The following DNAH2 variants were observed in gnomAD, a reference collection of about 807,000 sequenced individuals.
The protein encoded by DNAH2 is axonemal beta dynein heavy chain 2.
DNAH2 carries 323 observed loss-of-function variants against 523.5 expected under a neutral mutation model. That is an observed-to-expected ratio of 0.62 (90% confidence interval 0.56 to 0.68). The LOEUF (loss-of-function observed/expected upper bound fraction) is 0.68. Among genes scored for constraint, DNAH2 ranks in the 30% least tolerant of loss-of-function variants. The pLI, the probability that DNAH2 is intolerant of heterozygous loss-of-function variation, is 0.00. For missense variants in DNAH2, 4,907 were observed against 5,701.5 expected (o/e 0.86, Z 4.49); for synonymous variants, 2,093 against 2,177.4 (o/e 0.96, Z 1.08).
intron 65 of DNAH2, 32 bp downstream of exon 65, chr17:7,817,447 T>G: frequency 6.2e-7 from 1 of 1,613,560 alleles, no homozygotes; most frequent in East Asian, 2.2e-5. Flanking sequence ...ACAAGTAGGC[T>G]CCGAGACCAG....
rs1425238619 is a variant in DNAH2, at chr17:7,726,156, C to T, written c.229-966C>T. ...AAGTAGCTGGGATTACAGGAACCCA[C>T]CACCATGCCTGGCTGATTTTTGTAT... is the stretch of plus-strand genomic sequence containing the variant. On this transcript the variant is annotated intron_variant, in intron 3 of 85. Transcript: ENST00000572933. 2.6e-5 allele frequency among the ~76,000 whole-genome samples: 4 copies of T among 152,052 alleles called. No homozygotes were observed. The East Asian group carries it at 5.8e-4, about 22-fold the overall frequency.
Position 7,780,919 on chromosome 17 carries a change from C to G in DNAH2, c.6004-123C>G. On this transcript the variant is annotated intron_variant, in intron 38 of 85. Transcript: ENST00000572933. This position sits in a 1 kb window ranked among gnomAD's most constrained non-coding sequence, Gnocchi z 4.4. ...CACCTCGTCCCATCCCCGTGTTGCC[C>G]GCTGCTTTGCTAATGGCTAACTGGT... The G allele has an allele frequency of 1.9e-6, 3 of 1,580,608 alleles. No individual in the cohort carries two copies. The highest frequency in any genetic ancestry group is 1.7e-5 in the Admixed American group (1 of 59,162).
chr17:7,767,095 G>A (rs1383813174), intron 22 of DNAH2, among the ~76,000 whole-genome samples: 2 of 6,168 alleles, frequency 3.2e-4, no homozygotes, highest in Admixed American at 2.1e-3. Context: ...CCAGTCCCCC[G>A]TCCCCCGCCC....
chr17:7,796,584 G>A lies in DNAH2; in HGVS notation c.7795G>A (p.Val2599Met), dbSNP rs372809578. The change falls in exon 50 of 86, where the codon GTG (valine) becomes ATG (methionine). Residue 2599 changes from valine to methionine, a missense_variant. Around this residue, in one of 3 missense-constraint regions of DNAH2, gnomAD observed 250 missense variants for 371.3 expected, o/e 0.67. Coordinates refer to ENST00000572933, the MANE Select transcript of DNAH2 (RefSeq NM_020877.5). ...GGCCACCCTGGACATGTACAACACC[G>A]TGGTACAGCGCTTCCTGCCCACGCC... ...TEATLDMYNT[V>M]VQRFLPTPTK... 30 of 1,613,516 alleles carry A rather than the reference G, an allele frequency of 1.9e-5. No homozygotes were observed. Among genetic ancestry groups the A allele is most frequent in the Middle Eastern group, 1.6e-4 (1 of 6,062 alleles).
chr17:7,741,456 C>A (rs2075348937), intron 11 of DNAH2, among the ~76,000 whole-genome samples: 1 of 150,844 alleles, frequency 6.6e-6, no homozygotes, highest in Non-Finnish European at 1.5e-5. Context: ...CTCCCGGGTT[C>A]ACACCATTCT....
At position 7,763,894 on chromosome 17, in the gene DNAH2, G is replaced by T. The variant is rs771953010; in HGVS notation, c.3042G>T (p.Leu1014=). The T allele has an allele frequency of 1.2e-6, 2 of 1,614,096 alleles. No individual in the cohort carries two copies. Among genetic ancestry groups the T allele is most frequent in the Admixed American group, 1.7e-5 (1 of 60,012 alleles). ...EETVTNIQFV[L]LDCSHLKFSL... ...CAGTCACCAACATCCAGTTTGTGCT[G>T]CTGGACTGTTCGCACCTCAAGTTCT... The change falls in exon 19 of 86, where the codon CTG becomes CTT. Residue 1014 remains leucine, a synonymous_variant. Coordinates refer to ENST00000572933, the MANE Select transcript of DNAH2 (RefSeq NM_020877.5).
Position 7,786,366 on chromosome 17 carries a change from C to T in DNAH2, c.6348+24C>T. The T allele has an allele frequency of 6.2e-7, 1 of 1,603,992 alleles. No homozygotes were observed. The highest frequency in any genetic ancestry group is 1.7e-5 in the Admixed American group (1 of 59,738). ...GAGTACGGGGCTGGGACAGTGGAGTCAGTGGGCAGAGACTTGAGTAGTAAG... is the reference window on the plus strand; with the variant it reads ...GAGTACGGGGCTGGGACAGTGGAGTTAGTGGGCAGAGACTTGAGTAGTAAG... On this transcript the variant is annotated intron_variant, in intron 40 of 85. Coordinates refer to ENST00000572933, the MANE Select transcript of DNAH2 (RefSeq NM_020877.5). The surrounding 1 kb of genome is among the most constrained non-coding windows in gnomAD (Gnocchi z 7.5).
At position 7,778,333 on chromosome 17, in the gene DNAH2, A is replaced by G. The variant is rs750181264; in HGVS notation, c.5405A>G (p.Lys1802Arg). 5 of 1,614,086 alleles carry G rather than the reference A, an allele frequency of 3.1e-6. No homozygotes were observed. In the African/African-American group the frequency reaches 6.7e-5, roughly 22 times the overall value. The change falls in exon 35 of 86, where the codon AAA becomes AGA. Residue 1802 changes from lysine (K) to arginine (R), a missense_variant. Physicochemically the swap from Lys to Arg is conservative, Grantham distance 26. This residue lies in a region of DNAH2 where 2,806 missense variants were observed against 3,190.8 expected (regional missense o/e 0.88). Transcript: ENST00000572933. Reference protein sequence around the residue: ...ALHLHRGGSPKGPAGTGKTET... With the variant: ...ALHLHRGGSPRGPAGTGKTET... ...CACCTGCACCGAGGGGGCTCCCCCA[A>G]AGGCCCTGCAGGCACAGGCAAGACC...
rs1285678541 is a variant in DNAH2 at position 7,824,305 on chromosome 17, G to T, written c.11662+1G>T. Reference sequence around the variant, plus strand: ...CTCCTCCGAGAGGGTGTGACTCAGGGTTGGTGTCCATCCTTTCTTCCACCC... The same window carrying T: ...CTCCTCCGAGAGGGTGTGACTCAGGTTTGGTGTCCATCCTTTCTTCCACCC... On this transcript the variant is annotated splice_donor_variant, in intron 76 of 85. Transcript: ENST00000572933. LOFTEE classifies it high-confidence loss of function. The T allele has an allele frequency of 4.9e-5, 74 of 1,515,948 alleles. No homozygotes were observed. The highest frequency in any genetic ancestry group is 6.4e-5 in the Non-Finnish European group (73 of 1,135,962). 93.9% of individuals were successfully genotyped at this position (1,515,948 alleles called of 1,614,324 possible). A position where few individuals can be genotyped will look rare whatever the true frequency, so the allele number is the denominator to read the frequency against.
At position 7,817,850 on chromosome 17, in the gene DNAH2, A is replaced by AG. The variant is rs2077721267; in HGVS notation, c.10232dup (p.Gln3412ProfsTer62). 1 of 1,613,796 alleles carries AG rather than the reference A, an allele frequency of 6.2e-7. No individual in the cohort carries two copies. Among genetic ancestry groups the AG allele is most frequent in the East Asian group, 2.2e-5 (1 of 44,816 alleles). ...TGAAATGGATTAAGAACATGGAAGG[A>AG]GGCCAGGTGTGAGGCTGGGGGGTCA... On this transcript the variant is annotated frameshift_variant, in exon 67 of 86. Coordinates refer to ENST00000572933, the MANE Select transcript of DNAH2 (RefSeq NM_020877.5). LOFTEE classifies it high-confidence loss of function.
At position 7,777,486 on chromosome 17, in the gene DNAH2, A is replaced by T. The variant is rs538976648; in HGVS notation, c.5099A>T (p.Asn1700Ile). 6 of 1,614,164 alleles carry T rather than the reference A, an allele frequency of 3.7e-6. 1 individual carries two copies. The Admixed American group carries it at 8.3e-5, about 22-fold the overall frequency. Residue 1700 changes from asparagine to isoleucine, a missense_variant, in exon 33 of 86, where the codon AAC becomes ATC. Coordinates refer to ENST00000572933, the MANE Select transcript of DNAH2 (RefSeq NM_020877.5). ...AAGTATTCAGAAGCCATCAGGGGGAACTTGACCAAGATCATGCGGCTTAAA... is the reference window on the plus strand; with the variant it reads ...AAGTATTCAGAAGCCATCAGGGGGATCTTGACCAAGATCATGCGGCTTAAA... ...LNKYSEAIRGNLTKIMRLKIV... is the reference protein window; with the variant it reads ...LNKYSEAIRGILTKIMRLKIV...
rs149051259 is a variant in DNAH2 at position 7,817,621 on chromosome 17, C to G, written c.10081C>G (p.Pro3361Ala). 7.1e-5 allele frequency: 115 copies of G among 1,614,060 alleles called. No individual in the cohort carries two copies. The African/African-American group carries it at 1.3e-3, about 18-fold the overall frequency. ...CGCCATCGATAACTTCCTGTGCAATCCTACCAAAGTCCGGGACTGGAACAT... is the reference window on the plus strand; with the variant it reads ...CGCCATCGATAACTTCCTGTGCAATGCTACCAAAGTCCGGGACTGGAACAT... The part of the protein sequence containing the change: ...SFAIDNFLCN[P>A]TKVRDWNIQG... Residue 3361 changes from proline to alanine, a missense_variant, in exon 66 of 86, where the codon CCT becomes GCT. Transcript: ENST00000572933.
chr17:7,785,466 CAT>C (rs1054860696), intron 39 of DNAH2, among the ~76,000 whole-genome samples: 104 of 152,278 alleles, frequency 6.8e-4, no homozygotes, highest in African/African-American at 2.2e-3. Context: ...ACACTAAACA[CAT>C]GTGCACACAG....
At chr17:7,782,219 G>A (rs1261200818) in intron 39 of DNAH2, among the ~76,000 whole-genome samples, 1 of 152,134 alleles carries the variant, frequency 6.6e-6, no homozygotes, top group Admixed American at 6.5e-5. Flanking sequence ...CAGTCCCCAA[G>A]GGGCAACATC....
In DNAH2 at chr17:7,831,857, TG is replaced by T; in HGVS notation, c.12726+85del. 7.5e-7 allele frequency: 1 copy of T among 1,340,924 alleles called. No homozygotes were observed. Among genetic ancestry groups the T allele is most frequent in the Non-Finnish European group, 1.0e-6 (1 of 968,216 alleles). 83.1% of individuals were successfully genotyped at this position (1,340,924 alleles called of 1,614,324 possible). Reference sequence around the variant, plus strand: ...GGCCCCCCAATCTCCTGGTTCTAGGTGGGCATAAAGCAAACTGCAGAGAGCC... The same window carrying T: ...GGCCCCCCAATCTCCTGGTTCTAGGTGGCATAAAGCAAACTGCAGAGAGCC... On this transcript the variant is annotated intron_variant, in intron 82 of 85. Transcript: ENST00000572933. This position sits in a 1 kb window ranked among gnomAD's most constrained non-coding sequence, Gnocchi z 4.2.
intron 18 of DNAH2, among the ~76,000 whole-genome samples, chr17:7,763,028 T>A (rs1349305531): frequency 2.0e-5 from 3 of 151,854 alleles, no homozygotes; most frequent in African/African-American, 7.2e-5. Context: ...CAGGCTGGAG[T>A]GCAGTGGCGC....
chr17:7,814,996 CAAAAAA>C (rs926544656), intron 63 of DNAH2, among the ~76,000 whole-genome samples: 3 of 149,992 alleles, frequency 2.0e-5, no homozygotes, highest in Admixed American at 2.0e-4. Context: ...CTTTTTGAGA[CAAAAAA>C]AAAGAAAAAG....
At position 7,759,562 on chromosome 17, in the gene DNAH2, C is replaced by G. The variant is rs766815339; in HGVS notation, c.2589C>G (p.Phe863Leu). ...GDGKTSPNPL[F>L]QVLVILKNDL... The stretch of plus-strand genomic sequence containing the variant: ...GAAAGACCAGCCCAAACCCACTCTT[C>G]CAAGTCCTTGTCATTTTGAAGAATG... The change falls in exon 16 of 86, where the codon TTC becomes TTG. Residue 863 changes from phenylalanine (F) to leucine (L), a missense_variant. Around this residue, in one of 3 missense-constraint regions of DNAH2, gnomAD observed 2,806 missense variants for 3,190.8 expected, o/e 0.88. Coordinates refer to ENST00000572933, the MANE Select transcript of DNAH2 (RefSeq NM_020877.5). 1.9e-6 allele frequency: 3 copies of G among 1,614,102 alleles called. No homozygotes were observed. Among genetic ancestry groups the G allele is most frequent in the Admixed American group, 3.3e-5 (2 of 60,004 alleles).
intron 63 of DNAH2, among the ~76,000 whole-genome samples, chr17:7,813,455 C>G (rs766126086): frequency 3.3e-5 from 5 of 151,948 alleles, no homozygotes; most frequent in Admixed American, 1.3e-4. Flanking sequence ...AAATGTGTAT[C>G]CGTAGGAGAC....
Sources: gnomAD v4.1 joint callset for allele counts (sites outside exome capture counted in the v4.1 genomes callset) on GRCh38, gnomAD v4.1.1 for gene constraint, gnomAD v4.1.1 regional missense constraint, Gnocchi (gnomAD v3.1) non-coding constraint, MANE v1.5 for transcripts, NCBI Gene and HGNC (gene_info 2026-07-23, HGNC 2026-07-21) for gene names.